STAMBPL1: variants seen among roughly 807,000 people sequenced by gnomAD.
STAMBPL1 encodes AMSH-like protease.
A neutral mutation model predicts 52.9 loss-of-function variants in STAMBPL1; 44 were observed. The observed-to-expected ratio is 0.83, with a 90% CI of 0.65 to 1.07. The LOEUF is 1.07. Ranked by LOEUF, STAMBPL1 falls within the 50% of genes least tolerant of loss-of-function variation. The probability of loss-of-function intolerance (pLI) is 0.00; values close to 1 mark genes in which losing one functional copy is unlikely to be tolerated. For synonymous variants in STAMBPL1, 164 were observed against 177.3 expected (o/e 0.92, Z 0.60); for missense variants, 511 against 520.8 (o/e 0.98, Z 0.18).
chr10:88,907,819 T>C (rs929349128), intron 3 of STAMBPL1, among the ~76,000 whole-genome samples: 1 of 152,216 alleles, frequency 6.6e-6, no homozygotes, highest in Non-Finnish European at 1.5e-5. Context: ...TATGCTAACA[T>C]TTCTGTCTAA....
rs117028003 is a variant in STAMBPL1, at chr10:88,892,634, T to C, written c.-53-9022T>C. ...TAAGAAGGAAACTTTTTTCTGTTTC[T>C]GCCTACTGCATTGAAGAGATTGTCC... On this transcript the variant is annotated intron_variant, in intron 1 of 10. Coordinates refer to ENST00000371926, the MANE Select transcript of STAMBPL1 (RefSeq NM_020799.4). 9.8e-5 allele frequency among the ~76,000 whole-genome samples: 15 copies of C among 152,358 alleles called. No individual in the cohort carries two copies. The East Asian group carries it at 2.7e-3, about 27-fold the overall frequency.
intron 1 of STAMBPL1, 187 bp from the exon 2 acceptor site, chr10:88,901,469 A>G: frequency 2.7e-6 from 1 of 373,248 alleles, no homozygotes; most frequent in Non-Finnish European, 4.8e-6. Context: ...CAGCTTCAGG[A>G]AACTATAACC....
chr10:88,899,355 G>T (rs1844888427), intron 1 of STAMBPL1, among the ~76,000 whole-genome samples: 1 of 152,142 alleles, frequency 6.6e-6, no homozygotes, highest in Non-Finnish European at 1.5e-5. Flanking sequence ...TCCTTAGGGT[G>T]GGTCTTAGGA....
In STAMBPL1 at chr10:88,910,902, T is replaced by C. The variant is rs1425699896; in HGVS notation, c.325-14T>C. On this transcript the variant is annotated splice_polypyrimidine_tract_variant and intron_variant, in intron 4 of 10. Transcript: ENST00000371926. ...AAAATCCCACTAATCAATATGTATATATATTTTTAAAAGAAACTGAAGGAG... is the reference window on the plus strand; with the variant it reads ...AAAATCCCACTAATCAATATGTATACATATTTTTAAAAGAAACTGAAGGAG... 2 of 1,550,846 alleles carry C rather than the reference T, an allele frequency of 1.3e-6. No individual in the cohort carries two copies. Among genetic ancestry groups the C allele is most frequent in the African/African-American group, 2.8e-5 (2 of 72,032 alleles).
intron 2 of STAMBPL1, among the ~76,000 whole-genome samples, chr10:88,903,558 G>C (rs756958914): frequency 1.2e-4 from 18 of 152,174 alleles, no homozygotes; most frequent in Non-Finnish European, 2.5e-4. Context: ...ACATATGAGA[G>C]GCTGGAACCC....
intron 3 of STAMBPL1, among the ~76,000 whole-genome samples, chr10:88,908,477 A>G (rs72809319): frequency 2.0e-5 from 3 of 152,284 alleles, no homozygotes; most frequent in Non-Finnish European, 4.4e-5. Flanking sequence ...AAGTACCCTG[A>G]CCTTAATCTT....
chr10:88,920,138 G>A (rs547351329), intron 8 of STAMBPL1, among the ~76,000 whole-genome samples: 49 of 152,164 alleles, frequency 3.2e-4, no homozygotes, highest in African/African-American at 1.0e-3. Flanking sequence ...GGCATGAGCC[G>A]GTATGCCTGG....
chr10:88,902,544 G>T (rs1283453900), intron 2 of STAMBPL1, among the ~76,000 whole-genome samples: 1 of 151,934 alleles, frequency 6.6e-6, no homozygotes, highest in Non-Finnish European at 1.5e-5. Flanking sequence ...CCTGGTTCTT[G>T]TACTGAAATA....
At chr10:88,885,544 T>A (rs1170485941) in intron 1 of STAMBPL1, among the ~76,000 whole-genome samples, 1 of 152,176 alleles carries the variant, frequency 6.6e-6, no homozygotes, top group Non-Finnish European at 1.5e-5. Context: ...ATATAATAGA[T>A]CAGATTCTGG....
At chr10:88,904,352 T>C (rs1845020455) in intron 2 of STAMBPL1, among the ~76,000 whole-genome samples, 1 of 152,218 alleles carries the variant, frequency 6.6e-6, no homozygotes, top group Non-Finnish European at 1.5e-5. Context: ...GTGAGACCTG[T>C]TAGGAATTTG....
At chr10:88,898,068 T>C (rs1844855713) in intron 1 of STAMBPL1, among the ~76,000 whole-genome samples, 1 of 152,206 alleles carries the variant, frequency 6.6e-6, no homozygotes, top group Non-Finnish European at 1.5e-5. Flanking sequence ...GAGTTTTTGT[T>C]TTGTTTATTC....
chr10:88,898,306 T>C (rs554429261), intron 1 of STAMBPL1, among the ~76,000 whole-genome samples: 8 of 152,364 alleles, frequency 5.3e-5, no homozygotes, highest in African/African-American at 1.7e-4. Context: ...GAAAGATTGA[T>C]ATTTAAAAAG....
chr10:88,900,422 T>C (rs193120221), intron 1 of STAMBPL1, among the ~76,000 whole-genome samples: 1 of 152,314 alleles, frequency 6.6e-6, no homozygotes, highest in Non-Finnish European at 1.5e-5. Context: ...AGGATGGGAA[T>C]TACTAATATT....
At chr10:88,896,574 G>C (rs556619444) in intron 1 of STAMBPL1, among the ~76,000 whole-genome samples, 18 of 152,330 alleles carry the variant, frequency 1.2e-4, no homozygotes, top group African/African-American at 3.8e-4. Context: ...AAATGAGACT[G>C]CTGGAGGTGG....
Position 88,923,331 on chromosome 10 carries a change from A to C in STAMBPL1, c.*107A>C. The C allele has an allele frequency of 7.0e-7, 1 of 1,432,372 alleles. No homozygotes were observed. The highest frequency in any genetic ancestry group is 1.5e-5 in the African/African-American group (1 of 67,560). The allele number at this position is 1,432,372 out of a possible 1,614,324, so 88.7% of individuals were successfully genotyped here. The stretch of plus-strand genomic sequence containing the variant: ...GAAATGACTGATATTTTATATTTAT[A>C]CATTTTAGATGACAAAGCTTGATAT... On this transcript the variant is annotated 3_prime_UTR_variant, in exon 11 of 11. Coordinates refer to ENST00000371926, the MANE Select transcript of STAMBPL1 (RefSeq NM_020799.4).
intron 1 of STAMBPL1, among the ~76,000 whole-genome samples, chr10:88,883,299 G>A (rs1254000357): frequency 6.6e-6 from 1 of 151,724 alleles, no homozygotes; most frequent in Non-Finnish European, 1.5e-5. Context: ...CAACTAAGAA[G>A]GCCAACATCC....
At chr10:88,895,255 A>AT (rs1447574708) in intron 1 of STAMBPL1, among the ~76,000 whole-genome samples, 5 of 152,164 alleles carry the variant, frequency 3.3e-5, no homozygotes, top group African/African-American at 1.2e-4. Flanking sequence ...AGAGATGAAA[A>AT]TTTCTCACAG....
chr10:88,888,423 G>A (rs1844593030), intron 1 of STAMBPL1, among the ~76,000 whole-genome samples: 1 of 152,200 alleles, frequency 6.6e-6, no homozygotes, highest in African/African-American at 2.4e-5. Context: ...AAGCAGGCTG[G>A]TTTGTCACCA....
chr10:88,881,273 A>G (rs1273105023), intron 1 of STAMBPL1, among the ~76,000 whole-genome samples: 4 of 152,096 alleles, frequency 2.6e-5, no homozygotes, highest in African/African-American at 9.7e-5. Context: ...CTCTAAAACA[A>G]CCCACGCTGC....
Sources: gnomAD v4.1 joint callset for allele counts (sites outside exome capture counted in the v4.1 genomes callset) on GRCh38, gnomAD v4.1.1 for gene constraint, MANE v1.5 for transcripts, NCBI Gene and HGNC (gene_info 2026-07-23, HGNC 2026-07-21) for gene names.